The following PDXDC1 variants were observed in gnomAD, a reference collection of about 807,000 sequenced individuals.
PDXDC1 encodes pyridoxal-dependent decarboxylase domain-containing protein 1.
A neutral mutation model predicts 100.1 loss-of-function variants in PDXDC1; 42 were observed. The observed-to-expected ratio is 0.42, with a 90% CI of 0.33 to 0.54. PDXDC1 has a LOEUF of 0.54. PDXDC1 is among the 20% of genes least tolerant of loss of function. The pLI is 0.10. For synonymous variants in PDXDC1, 260 were observed against 371.7 expected (o/e 0.70, Z 3.46); for missense variants, 636 against 979.2 (o/e 0.65, Z 4.68).
intron 16 of PDXDC1, among the ~76,000 whole-genome samples, chr16:15,053,544 T>C (rs900182249): frequency 6.6e-6 from 1 of 152,186 alleles, no homozygotes; most frequent in Admixed American, 6.5e-5. Flanking sequence ...TAAAGAATGG[T>C]TGTAGTCATA....
intron 1 of PDXDC1, among the ~76,000 whole-genome samples, chr16:14,995,925 G>A (rs1376252839): frequency 6.6e-6 from 1 of 152,300 alleles, no homozygotes; most frequent in African/African-American, 2.4e-5. Flanking sequence ...TAGTGTATTT[G>A]CGTAGAGGTG....
intron 14 of PDXDC1, among the ~76,000 whole-genome samples, chr16:15,027,794 C>T (rs1261696887): frequency 6.6e-6 from 1 of 152,302 alleles, no homozygotes; most frequent in Non-Finnish European, 1.5e-5. Flanking sequence ...TTCTGTCTGC[C>T]CACTAGGGTC....
chr16:14,974,911 A>G (rs1283961806), upstream of PDXDC1: 2 of 1,535,506 alleles, frequency 1.3e-6, no homozygotes, highest in Non-Finnish European at 1.7e-6. Flanking sequence ...TTTGGTGAAC[A>G]ATCCACCGGG....
intron 16 of PDXDC1, among the ~76,000 whole-genome samples, chr16:15,075,755 C>A (rs914242547): frequency 6.6e-6 from 1 of 152,112 alleles, no homozygotes; most frequent in African/African-American, 2.4e-5. Flanking sequence ...ATCACAGATG[C>A]CCCCTACCTC....
intron 16 of PDXDC1, chr16:15,137,362 C>T (rs1467641199): frequency 2.0e-6 from 3 of 1,517,302 alleles, no homozygotes; most frequent in Non-Finnish European, 2.7e-6. Flanking sequence ...CACTAGAGGG[C>T]TGGGCCGCCC....
chr16:15,033,045 C>T (rs1371807954), intron 18 of PDXDC1, 66 bp downstream of exon 18: 28 of 1,104,830 alleles, frequency 2.5e-5, no homozygotes, highest in East Asian at 9.4e-5. Flanking sequence ...GCTTTGAAGA[C>T]GACGGCTCAT....
At chr16:15,122,914 A>T (rs1334515893) in intron 16 of PDXDC1, among the ~76,000 whole-genome samples, 2 of 146,164 alleles carry the variant, frequency 1.4e-5, no homozygotes, top group African/African-American at 2.5e-5. Context: ...GAGGAGGTGG[A>T]GGAGGAGGAG....
At chr16:15,108,122 C>G in intron 16 of PDXDC1, 5 of 863,138 alleles carry the variant, frequency 5.8e-6, no homozygotes, top group Non-Finnish European at 7.0e-6. Context: ...TAGGTGACAA[C>G]TGCAAACCAT....
At chr16:14,991,983 G>A (rs1441818319) in intron 1 of PDXDC1, among the ~76,000 whole-genome samples, 5 of 152,252 alleles carry the variant, frequency 3.3e-5, no homozygotes, top group African/African-American at 9.6e-5. Context: ...CTTTAGACCC[G>A]TGGTCTAAAG....
intron 16 of PDXDC1, among the ~76,000 whole-genome samples, chr16:15,099,133 A>G (rs2046455427): frequency 6.6e-6 from 1 of 152,078 alleles, no homozygotes; most frequent in South Asian, 2.1e-4. Flanking sequence ...TTATACAAGA[A>G]AAATACTGGC....
chr16:15,026,546 T>C (rs1281240795), intron 13 of PDXDC1, 97 bp from the exon 14 acceptor site: 6 of 946,036 alleles, frequency 6.3e-6, no homozygotes, highest in East Asian at 5.1e-5. Context: ...TATTTACAAA[T>C]AGAGCATTTC....
intron 16 of PDXDC1, among the ~76,000 whole-genome samples, chr16:15,095,896 A>G (rs1353563600): frequency 2.5e-5 from 3 of 118,912 alleles, no homozygotes; most frequent in African/African-American, 8.8e-5. Flanking sequence ...GTGTGTGTTT[A>G]TATGTATCTC....
chr16:15,127,446 C>A (rs1264265123), intron 16 of PDXDC1: 1 of 1,533,552 alleles, frequency 6.5e-7, no homozygotes, highest in Admixed American at 1.9e-5. Context: ...TCCCAGTACT[C>A]CCCGGTCCCC....
At chr16:15,143,285 C>T (rs1364328224), downstream of PDXDC1, among the ~76,000 whole-genome samples, 2 of 152,114 alleles carry the variant, frequency 1.3e-5, no homozygotes, top group Non-Finnish European at 2.9e-5. Context: ...CACCCCTTCC[C>T]AGCACCCTTG....
At chr16:15,135,784 A>G (rs1477879735) in intron 16 of PDXDC1, 66 of 1,586,370 alleles carry the variant, frequency 4.2e-5, no homozygotes, top group Non-Finnish European at 5.3e-5. Flanking sequence ...AGCCACCCTC[A>G]GTGATGGGCA....
At chr16:15,053,705 G>A (rs958974968) in intron 16 of PDXDC1, among the ~76,000 whole-genome samples, 27 of 152,208 alleles carry the variant, frequency 1.8e-4, no homozygotes, top group Admixed American at 1.2e-3. Context: ...GAGGTCAGGA[G>A]TTCAAGAACA....
At chr16:15,012,690 A>C (rs1337972966) in intron 8 of PDXDC1, among the ~76,000 whole-genome samples, 1 of 152,228 alleles carries the variant, frequency 6.6e-6, no homozygotes, top group Non-Finnish European at 1.5e-5. Context: ...ATCTCTACAA[A>C]AAATACTAAA....
intron 16 of PDXDC1, among the ~76,000 whole-genome samples, chr16:15,095,186 G>C (rs1399775267): frequency 6.6e-6 from 1 of 152,004 alleles, no homozygotes; most frequent in Non-Finnish European, 1.5e-5. Context: ...ACCAACAAAA[G>C]AGCCACTGGC....
intron 16 of PDXDC1, among the ~76,000 whole-genome samples, chr16:15,063,628 C>G (rs548647997): frequency 2.8e-5 from 4 of 143,956 alleles, no homozygotes; most frequent in African/African-American, 1.0e-4. Context: ...TGGCCTGAAC[C>G]TGGGAGACGG....
Sources: allele counts gnomAD v4.1 joint callset (sites outside exome capture counted in the v4.1 genomes callset), GRCh38; gene constraint gnomAD v4.1.1; transcripts MANE v1.5; gene names NCBI Gene and HGNC (gene_info 2026-07-23, HGNC 2026-07-21).